Variants in ITFG1 observed in about 807,000 individuals in gnomAD.
The protein encoded by ITFG1 is integrin alpha FG-GAP repeat containing 1, also known as T-cell immunomodulatory protein.
In ITFG1, 34 loss-of-function variants were observed where a neutral mutation model predicts 81.8. That is an observed-to-expected ratio of 0.42 (90% confidence interval 0.32 to 0.55). ITFG1 has a LOEUF of 0.55. Ranked by LOEUF, ITFG1 falls within the 20% of genes least tolerant of loss-of-function variation. ITFG1 has a pLI of 0.17. For missense variants in ITFG1, 672 were observed against 755.4 expected (o/e 0.89, Z 1.29); for synonymous variants, 285 against 270.6 (o/e 1.05, Z -0.52).
Position 47,255,914 on chromosome 16 carries a change from T to G in ITFG1, c.1330+2718A>C, listed in dbSNP as rs1281246766. Among the ~76,000 whole-genome samples, 10 of 152,302 alleles carry G rather than the reference T, an allele frequency of 6.6e-5. No individual in the cohort carries two copies. The East Asian group carries it at 1.9e-3, about 29-fold the overall frequency. Reference sequence around the variant, plus strand: ...AAATAAATGAAGACTAAAAATACGCTGCTTTTCACCAAGAAGGATGATGCT... The same window carrying G: ...AAATAAATGAAGACTAAAAATACGCGGCTTTTCACCAAGAAGGATGATGCT... On this transcript the variant is annotated intron_variant, in intron 12 of 17. Coordinates refer to ENST00000320640, the MANE Select transcript of ITFG1 (RefSeq NM_030790.5).
intron 14 of ITFG1, among the ~76,000 whole-genome samples, chr16:47,172,671 T>C (rs1250633995): frequency 1.3e-5 from 2 of 152,202 alleles, no homozygotes; most frequent in Non-Finnish European, 2.9e-5. Flanking sequence ...TGAATAAATA[T>C]CCACAATTTA....
intron 10 of ITFG1, among the ~76,000 whole-genome samples, chr16:47,287,767 G>A (rs1272099214): frequency 1.3e-5 from 2 of 152,142 alleles, no homozygotes; most frequent in African/African-American, 4.8e-5. Context: ...GTTTTGTTTT[G>A]AATTTCACGA....
At chr16:47,417,398 A>G (rs1227311835) in intron 6 of ITFG1, among the ~76,000 whole-genome samples, 1 of 152,220 alleles carries the variant, frequency 6.6e-6, no homozygotes, top group African/African-American at 2.4e-5. Flanking sequence ...TCTGTGTGTC[A>G]GGAACACTTC....
chr16:47,335,016 T>G (rs1471428167), intron 8 of ITFG1, among the ~76,000 whole-genome samples: 1 of 152,140 alleles, frequency 6.6e-6, no homozygotes, highest in Non-Finnish European at 1.5e-5. Flanking sequence ...AAAGCAAAAT[T>G]GGATAAACCT....
intron 5 of ITFG1, among the ~76,000 whole-genome samples, chr16:47,445,297 A>G (rs1969310923): frequency 6.7e-6 from 1 of 149,530 alleles, no homozygotes; most frequent in South Asian, 2.1e-4. Flanking sequence ...TTTGATATCT[A>G]TGGGTTTTCA....
At chr16:47,211,575 C>A (rs1050496339) in intron 14 of ITFG1, among the ~76,000 whole-genome samples, 3 of 152,198 alleles carry the variant, frequency 2.0e-5, no homozygotes, top group Admixed American at 6.5e-5. Flanking sequence ...GAGGCGATAT[C>A]CTTGCTTAGT....
At chr16:47,263,857 T>C (rs1966241996) in intron 10 of ITFG1, among the ~76,000 whole-genome samples, 1 of 152,226 alleles carries the variant, frequency 6.6e-6, no homozygotes, top group Non-Finnish European at 1.5e-5. Context: ...TTTGGTCCTG[T>C]ATTGTGAAAC....
At chr16:47,393,099 AAC>A (rs1968552729) in intron 6 of ITFG1, among the ~76,000 whole-genome samples, 1 of 152,216 alleles carries the variant, frequency 6.6e-6, no homozygotes, top group Non-Finnish European at 1.5e-5. Context: ...AGGGAGGAGA[AAC>A]AAATATTAAG....
chr16:47,290,068 T>C (rs1966889113), intron 10 of ITFG1, among the ~76,000 whole-genome samples: 1 of 152,200 alleles, frequency 6.6e-6, no homozygotes, highest in Admixed American at 6.5e-5. Context: ...CTTCATCTCT[T>C]CATTGACCCA....
intron 6 of ITFG1, among the ~76,000 whole-genome samples, chr16:47,427,580 C>T (rs532899973): frequency 2.0e-5 from 3 of 152,114 alleles, no homozygotes; most frequent in South Asian, 2.1e-4. Flanking sequence ...GGGCAGAGAT[C>T]GCACCACTGC....
At chr16:47,235,562 T>C (rs1189258663) in intron 13 of ITFG1, among the ~76,000 whole-genome samples, 1 of 152,016 alleles carries the variant, frequency 6.6e-6, no homozygotes, top group Non-Finnish European at 1.5e-5. Context: ...TGAAGGAATA[T>C]GGGTGGGATC....
chr16:47,217,833 G>A (rs1339830585), intron 14 of ITFG1, among the ~76,000 whole-genome samples: 1 of 152,214 alleles, frequency 6.6e-6, no homozygotes, highest in Admixed American at 6.5e-5. Flanking sequence ...GCTGAGGCAG[G>A]AGAATGGCGG....
At chr16:47,177,367 A>G (rs1965043014) in intron 14 of ITFG1, among the ~76,000 whole-genome samples, 1 of 152,160 alleles carries the variant, frequency 6.6e-6, no homozygotes, top group Non-Finnish European at 1.5e-5. Flanking sequence ...TAATGTGATG[A>G]GACTCATTAT....
At chr16:47,316,411 T>C (rs1567457321) in intron 8 of ITFG1, among the ~76,000 whole-genome samples, 1 of 152,228 alleles carries the variant, frequency 6.6e-6, no homozygotes, top group Non-Finnish European at 1.5e-5. Flanking sequence ...TGTATATAAG[T>C]ACATACATTA....
At chr16:47,433,858 AT>A (rs1428025511) in intron 5 of ITFG1, among the ~76,000 whole-genome samples, 4 of 624 alleles carry the variant, frequency 6.4e-3, no homozygotes, top group East Asian at 0.045. Flanking sequence ...TAAAAACTGA[AT>A]ATATATATAT....
At chr16:47,159,603 G>T (rs1415177138) in intron 16 of ITFG1, among the ~76,000 whole-genome samples, 1 of 152,090 alleles carries the variant, frequency 6.6e-6, no homozygotes, top group Admixed American at 6.6e-5. Flanking sequence ...CAGACTAGAG[G>T]TCTTTAGTAA....
intron 14 of ITFG1, among the ~76,000 whole-genome samples, chr16:47,198,934 G>T (rs1183568809): frequency 3.3e-5 from 5 of 152,180 alleles, no homozygotes; most frequent in Non-Finnish European, 5.9e-5. Flanking sequence ...AGAAGTTACA[G>T]TAAGCTAAGG....
At chr16:47,411,139 A>C (rs1968805597) in intron 6 of ITFG1, among the ~76,000 whole-genome samples, 1 of 152,162 alleles carries the variant, frequency 6.6e-6, no homozygotes, top group Non-Finnish European at 1.5e-5. Context: ...AGGAGTGCCA[A>C]ACTGAGATCT....
chr16:47,168,568 T>C lies in ITFG1; in HGVS notation c.1454-5904A>G, dbSNP rs1043094484. 5.6e-4 allele frequency among the ~76,000 whole-genome samples: 84 copies of C among 149,778 alleles called. 1 individual carries two copies. The highest frequency in any genetic ancestry group is 1.5e-3 in the Admixed American group (22 of 15,102). ...AAGTTTTTTTTTTTTTTTTTTTTTTTCTAGAGACAAGGTCTCACTATATTG... is the reference window on the plus strand; with the variant it reads ...AAGTTTTTTTTTTTTTTTTTTTTTTCCTAGAGACAAGGTCTCACTATATTG... On this transcript the variant is annotated intron_variant, in intron 14 of 17. Coordinates refer to ENST00000320640, the MANE Select transcript of ITFG1 (RefSeq NM_030790.5).
Sources: gnomAD v4.1 joint callset for allele counts (sites outside exome capture counted in the v4.1 genomes callset) on GRCh38, gnomAD v4.1.1 for gene constraint, MANE v1.5 for transcripts, NCBI Gene and HGNC (gene_info 2026-07-23, HGNC 2026-07-21) for gene names.